NEDD4L: variants seen among roughly 807,000 people sequenced by gnomAD.
NEDD4L encodes the protein E3 ubiquitin-protein ligase NEDD4-like.
In NEDD4L, 54 loss-of-function variants were observed where a neutral mutation model predicts 148.9. The observed-to-expected ratio is 0.36, with a 90% confidence interval of 0.29 to 0.45. NEDD4L has a LOEUF of 0.45. Ranked by LOEUF, NEDD4L falls within the 20% of genes least tolerant of loss-of-function variation. NEDD4L has a pLI of 1.00. For missense variants in NEDD4L, 856 were observed against 1,233.8 expected (o/e 0.69, Z 4.59); for synonymous variants, 433 against 440.7 (o/e 0.98, Z 0.22).
intron 13 of NEDD4L, among the ~76,000 whole-genome samples, chr18:58,339,266 T>C (rs2042145304): frequency 6.6e-6 from 1 of 152,172 alleles, no homozygotes; most frequent in African/African-American, 2.4e-5. Flanking sequence ...TAAACAATAG[T>C]AGGTCAAAAC....
intron 5 of NEDD4L, among the ~76,000 whole-genome samples, chr18:58,300,549 G>A (rs949697880): frequency 6.6e-6 from 1 of 152,232 alleles, no homozygotes; most frequent in Non-Finnish European, 1.5e-5. Flanking sequence ...CAGGAATAGA[G>A]CGAAAGACAG....
intron 5 of NEDD4L, among the ~76,000 whole-genome samples, chr18:58,264,221 C>T (rs372497806): frequency 1.3e-5 from 2 of 152,168 alleles, no homozygotes; most frequent in South Asian, 2.1e-4. Context: ...CACATTAGCA[C>T]GCATTATTAG....
chr18:58,367,936 C>T (rs2046332463), intron 22 of NEDD4L, 69 bp downstream of exon 22: 9 of 1,540,090 alleles, frequency 5.8e-6, no homozygotes, highest in East Asian at 2.3e-5. Flanking sequence ...TTATCTTTCG[C>T]ATCATGGGTT....
At chr18:58,084,046 A>G (rs1219665945) in intron 1 of NEDD4L, among the ~76,000 whole-genome samples, 1 of 152,190 alleles carries the variant, frequency 6.6e-6, no homozygotes, top group Non-Finnish European at 1.5e-5. Context: ...CTTTTTTTTA[A>G]GAAAAGAAAA....
intron 1 of NEDD4L, among the ~76,000 whole-genome samples, chr18:58,138,904 C>G (rs1023396310): frequency 6.6e-6 from 1 of 152,228 alleles, no homozygotes; most frequent in African/African-American, 2.4e-5. Flanking sequence ...GGGACGCAAA[C>G]ATTCAGTCCC....
chr18:58,206,115 G>A (rs1474381713), intron 2 of NEDD4L, among the ~76,000 whole-genome samples: 3 of 152,142 alleles, frequency 2.0e-5, no homozygotes, highest in African/African-American at 7.2e-5. Flanking sequence ...AGCATGGGGC[G>A]CGGTGGCTCA....
intron 1 of NEDD4L, among the ~76,000 whole-genome samples, chr18:58,148,671 C>G (rs903874678): frequency 6.6e-6 from 1 of 152,182 alleles, no homozygotes; most frequent in Non-Finnish European, 1.5e-5. Flanking sequence ...TGGATTAGGG[C>G]CCACCCGTGT....
chr18:58,058,220 C>T (rs946831825), intron 1 of NEDD4L, among the ~76,000 whole-genome samples: 4 of 152,172 alleles, frequency 2.6e-5, no homozygotes, highest in African/African-American at 4.8e-5. Context: ...GCAGGAGAAT[C>T]GCTTGAACCT....
chr18:58,347,205 G>GCCCCCCCCCC lies in NEDD4L; in HGVS notation c.1576-2324_1576-2323insCCCCCCCCCC, dbSNP rs138430099. ...AATTTCAGCTTCTTTTCACGCTACG[G>GCCCCCCCCCC]CCCCCCCCGCCCCCCCCCCCCCTTT... On this transcript the variant is annotated intron_variant, in intron 16 of 30. Coordinates refer to ENST00000400345, the MANE Select transcript of NEDD4L (RefSeq NM_001144967.3). Among the ~76,000 whole-genome samples, 130 of 39,566 alleles carry GCCCCCCCCCC rather than the reference G, an allele frequency of 3.3e-3. 14 individuals carry two copies. The highest frequency in any genetic ancestry group is 6.4e-3 in the African/African-American group (46 of 7,152). The allele number at this position is 39,566 out of a possible 152,430, so 26.0% of individuals were successfully genotyped here.
intron 2 of NEDD4L, among the ~76,000 whole-genome samples, chr18:58,214,806 T>TC: frequency 1.4e-5 from 2 of 145,494 alleles, no homozygotes; most frequent in African/African-American, 5.2e-5. Context: ...TTTCATTTTT[T>TC]TTTTTTTTTT....
intron 25 of NEDD4L, among the ~76,000 whole-genome samples, chr18:58,383,770 C>A (rs184984671): frequency 3.3e-4 from 50 of 152,328 alleles, no homozygotes; most frequent in Admixed American, 1.4e-3. Context: ...TCAGCATGTG[C>A]AACCCTAAGG....
chr18:58,198,875 G>A (rs116059818), intron 2 of NEDD4L, among the ~76,000 whole-genome samples: 2,657 of 152,194 alleles, frequency 0.017, 81 homozygotes, highest in African/African-American at 0.059. Flanking sequence ...CGCAATCTCC[G>A]CTCACAGCAA....
chr18:58,214,802 T>TC lies in NEDD4L; in HGVS notation c.123-30625_123-30624insC, dbSNP rs765186331. Among the ~76,000 whole-genome samples, 432 of 62,484 alleles carry TC rather than the reference T, an allele frequency of 6.9e-3. 1 individual carries two copies. The highest frequency in any genetic ancestry group is 0.033 in the African/African-American group (390 of 12,000). The allele number at this position is 62,484 out of a possible 152,430, so 41.0% of individuals were successfully genotyped here. On this transcript the variant is annotated intron_variant, in intron 2 of 30. Coordinates refer to ENST00000400345, the MANE Select transcript of NEDD4L (RefSeq NM_001144967.3). ...ATTTCTGTTTCTTTCTTTCTTTCAT[T>TC]TTTTTTTTTTTTTTTGTTGTTGTTG...
At chr18:58,150,468 C>T (rs1006001002) in intron 1 of NEDD4L, among the ~76,000 whole-genome samples, 2 of 152,210 alleles carry the variant, frequency 1.3e-5, no homozygotes, top group Admixed American at 6.5e-5. Flanking sequence ...TCAGGTGATC[C>T]GCCTGCCTTG....
chr18:58,135,016 A>G (rs2849214), intron 1 of NEDD4L, among the ~76,000 whole-genome samples: 18,893 of 152,042 alleles, frequency 0.12, 1,226 homozygotes, highest in South Asian at 0.23. Context: ...TAGAGTTTCT[A>G]TAATTGGACT....
chr18:58,105,372 G>T (rs2085009738), intron 1 of NEDD4L, among the ~76,000 whole-genome samples: 1 of 152,158 alleles, frequency 6.6e-6, no homozygotes, highest in Admixed American at 6.5e-5. Context: ...AGTTGGGTTA[G>T]TGTATTCCCC....
intron 5 of NEDD4L, among the ~76,000 whole-genome samples, chr18:58,266,631 C>G (rs1273443212): frequency 2.0e-5 from 3 of 152,112 alleles, no homozygotes; most frequent in Admixed American, 2.0e-4. Context: ...CAGAAATGTC[C>G]AGCTCCCAGG....
chr18:58,198,434 A>G (rs1245860129), intron 2 of NEDD4L, among the ~76,000 whole-genome samples: 1 of 151,740 alleles, frequency 6.6e-6, no homozygotes, highest in East Asian at 1.9e-4. Context: ...GATCTTTTCT[A>G]CTCCCTGGCC....
chr18:58,376,005 G>T lies in NEDD4L; in HGVS notation c.2352+2736G>T, dbSNP rs904190720. Among the ~76,000 whole-genome samples, 5 of 152,112 alleles carry T rather than the reference G, an allele frequency of 3.3e-5. No homozygotes were observed. In the South Asian group the frequency reaches 1.0e-3, roughly 32 times the overall value. On this transcript the variant is annotated intron_variant, in intron 24 of 30. Coordinates refer to ENST00000400345, the MANE Select transcript of NEDD4L (RefSeq NM_001144967.3). The stretch of plus-strand genomic sequence containing the variant: ...GGAAGGAGTGGAAGTAAAGAACCAA[G>T]GAAGACTGAAAGTCAGTCTTGTGTG...
Sources: allele counts gnomAD v4.1 joint callset (sites outside exome capture counted in the v4.1 genomes callset), GRCh38; gene constraint gnomAD v4.1.1; transcripts MANE v1.5; gene names NCBI Gene and HGNC (gene_info 2026-07-23, HGNC 2026-07-21).